PRR5: variants seen among roughly 807,000 people sequenced by gnomAD.
PRR5 encodes the protein proline rich 5, also known as proline-rich protein 5.
In PRR5, 25 loss-of-function variants were observed where a neutral mutation model predicts 30.6. The observed-to-expected ratio is 0.82, with a 90% CI of 0.60 to 1.14. PRR5 has a LOEUF of 1.14. Ranked by LOEUF, PRR5 falls within the 50% of genes most tolerant of loss-of-function variation. PRR5 has a pLI of 0.00. For synonymous variants in PRR5, 286 were observed against 247.1 expected (o/e 1.16, Z -1.48); for missense variants, 600 against 547.1 (o/e 1.10, Z -0.96).
intron 1 of PRR5, among the ~76,000 whole-genome samples, chr22:44,708,201 A>G (rs920383613): frequency 1.3e-5 from 2 of 152,184 alleles, no homozygotes; most frequent in Non-Finnish European, 2.9e-5. Context: ...CTCCAACTCA[A>G]AAAACAACAA....
intron 1 of PRR5, among the ~76,000 whole-genome samples, chr22:44,692,234 C>T (rs1282355281): frequency 7.5e-6 from 1 of 134,200 alleles, no homozygotes; most frequent in African/African-American, 2.8e-5. Flanking sequence ...CTCCACCTGG[C>T]GCTCCTCCAC....
chr22:44,735,652 C>A (rs944806266), intron 7 of PRR5, among the ~76,000 whole-genome samples: 2 of 152,160 alleles, frequency 1.3e-5, no homozygotes, highest in Non-Finnish European at 1.5e-5. Context: ...CAGCAATGTC[C>A]CTTGAGTACC....
chr22:44,698,358 GTC>G (rs1221981735), upstream of PRR5, among the ~76,000 whole-genome samples: 3 of 151,406 alleles, frequency 2.0e-5, no homozygotes, highest in Admixed American at 1.3e-4. Flanking sequence ...GTGTGAATGA[GTC>G]TGGAGCAGAG....
upstream of PRR5, among the ~76,000 whole-genome samples, chr22:44,699,000 C>T (rs1926014687): frequency 6.6e-6 from 1 of 152,340 alleles, no homozygotes; most frequent in East Asian, 1.9e-4. Flanking sequence ...GCTTGAGCCT[C>T]CACTGCCCTC....
At position 44,736,781 on chromosome 22, in the gene PRR5, T is replaced by G. The variant is rs985590783; in HGVS notation, c.701T>G (p.Leu234Arg). Residue 234 changes from leucine to arginine, a missense_variant, in exon 8 of 8, where the codon CTC becomes CGC. Transcript: ENST00000336985. ...CCGTGTCTCTCCCCAGAAAAGCGCC[T>G]CCTCCGCCGCTCCCGCTCGGGGGAC... ...FTHSCILEKRLLRRSRSGDVL... is the reference protein window; with the variant it reads ...FTHSCILEKRRLRRSRSGDVL... 11 of 1,542,164 alleles carry G rather than the reference T, an allele frequency of 7.1e-6. No individual in the cohort carries two copies. In the African/African-American group the frequency reaches 1.1e-4, roughly 15 times the overall value.
At chr22:44,679,136 G>A (rs34456249) in intron 1 of PRR5, among the ~76,000 whole-genome samples, 22,195 of 152,002 alleles carry the variant, frequency 0.15, 2,131 homozygotes, top group South Asian at 0.22. Context: ...AGATACGTGC[G>A]GCCACCCCAG....
chr22:44,703,150 T>C (rs1280472483), intron 1 of PRR5, among the ~76,000 whole-genome samples: 2 of 151,850 alleles, frequency 1.3e-5, no homozygotes, highest in Non-Finnish European at 2.9e-5. Flanking sequence ...CCTCCAGGGG[T>C]CATTCCCAGA....
At chr22:44,709,578 G>A (rs567358420) in intron 1 of PRR5, among the ~76,000 whole-genome samples, 29 of 152,296 alleles carry the variant, frequency 1.9e-4, no homozygotes, top group Non-Finnish European at 3.1e-4. Context: ...TCCAGGCCAG[G>A]CGCAGTGGCT....
rs1297352607 is a variant in PRR5, at chr22:44,702,228, G to A, written c.-247G>A. 2.7e-6 allele frequency: 3 copies of A among 1,109,804 alleles called. No individual in the cohort carries two copies. Among genetic ancestry groups the A allele is most frequent in the African/African-American group, 1.7e-5 (1 of 59,766 alleles). The allele number at this position is 1,109,804 out of a possible 1,614,324, so 68.7% of individuals were successfully genotyped here. ...CGGCCTCCGTTTGCGCCGGGTCTGT[G>A]CTGGCCGCGCGCCTGGCGCTCCACG... On this transcript the variant is annotated 5_prime_UTR_variant, in exon 1 of 8. Transcript: ENST00000336985.
intron 1 of PRR5, among the ~76,000 whole-genome samples, chr22:44,682,698 C>T (rs9626520): frequency 0.09 from 13,679 of 152,170 alleles, 774 homozygotes; most frequent in East Asian, 0.27. Context: ...TCTCTCGACA[C>T]GGGAATGTCG....
intron 1 of PRR5, among the ~76,000 whole-genome samples, chr22:44,703,439 C>T (rs1204570112): frequency 6.6e-6 from 1 of 152,170 alleles, no homozygotes; most frequent in Non-Finnish European, 1.5e-5. Flanking sequence ...TGGTCTTGGC[C>T]ACCGGGAACC....
chr22:44,716,716 G>A (rs929786860), intron 2 of PRR5, among the ~76,000 whole-genome samples: 13 of 152,176 alleles, frequency 8.5e-5, no homozygotes, highest in African/African-American at 3.1e-4. Flanking sequence ...CCACTGGGTT[G>A]TTCAGCTTCT....
intron 2 of PRR5, among the ~76,000 whole-genome samples, chr22:44,720,247 G>A (rs17601899): frequency 0.23 from 35,518 of 152,226 alleles, 4,739 homozygotes; most frequent in South Asian, 0.4. Flanking sequence ...CAGAGGTGCT[G>A]TTTGGATTTA....
At chr22:44,720,291 G>A (rs62228465) in intron 2 of PRR5, among the ~76,000 whole-genome samples, 35,147 of 152,208 alleles carry the variant, frequency 0.23, 4,694 homozygotes, top group South Asian at 0.4. Context: ...CACAATCCCG[G>A]ACTGGGCAGG....
intron 4 of PRR5, chr22:44,730,873 TG>T: frequency 4.5e-6 from 2 of 449,114 alleles, no homozygotes; most frequent in South Asian, 1.8e-5. Flanking sequence ...GTCTGCTTGG[TG>T]GGGGGTCGAT....
chr22:44,701,249 C>A (rs1243757199), upstream of PRR5, among the ~76,000 whole-genome samples: 1 of 152,168 alleles, frequency 6.6e-6, no homozygotes, highest in Non-Finnish European at 1.5e-5. Context: ...ATGGAGGGGT[C>A]AGGTGAGCCT....
At chr22:44,734,832 G>C (rs1481528837) in intron 6 of PRR5, 195 bp from the exon 7 acceptor site, 1 of 707,216 alleles carries the variant, frequency 1.4e-6, no homozygotes, top group African/African-American at 1.8e-5. Flanking sequence ...GTGAGCAGCA[G>C]AGTGACTCAG....
chr22:44,735,239 G>A (rs373832131), intron 7 of PRR5, 77 bp downstream of exon 7: 35 of 1,461,560 alleles, frequency 2.4e-5, no homozygotes, highest in Admixed American at 2.0e-4. Context: ...TGGGCAAGCC[G>A]AGGCCCCACG....
intron 1 of PRR5, among the ~76,000 whole-genome samples, chr22:44,692,307 G>A (rs1419263047): frequency 1.7e-5 from 2 of 118,742 alleles, no homozygotes; most frequent in African/African-American, 3.3e-5. Flanking sequence ...CCCCCTCTCG[G>A]TGCTCCTCCT....
Sources: gnomAD v4.1 joint callset for allele counts (sites outside exome capture counted in the v4.1 genomes callset) on GRCh38, gnomAD v4.1.1 for gene constraint, MANE v1.5 for transcripts, NCBI Gene and HGNC (gene_info 2026-07-23, HGNC 2026-07-21) for gene names.